Variants in SVOP observed in about 807,000 individuals in gnomAD.
The protein encoded by SVOP is SV2 related protein, also known as synaptic vesicle 2-related protein.
SVOP carries 17 observed loss-of-function variants against 69.1 expected under a neutral mutation model. The ratio of observed to expected loss-of-function variants is 0.25; its 90% CI spans 0.17 to 0.37. The LOEUF is 0.37. SVOP is among the 10% of genes least tolerant of loss of function. The pLI is 1.00. For synonymous variants in SVOP, 238 were observed against 238.6 expected (o/e 1.00, Z 0.02); for missense variants, 435 against 597.5 (o/e 0.73, Z 2.84).
At chr12:109,003,672 A>C (rs1315725459) in intron 1 of SVOP, among the ~76,000 whole-genome samples, 1 of 152,144 alleles carries the variant, frequency 6.6e-6, no homozygotes, top group Non-Finnish European at 1.5e-5. Flanking sequence ...GCAGTCGTGC[A>C]ATAAAGCTCA....
intron 1 of SVOP, among the ~76,000 whole-genome samples, chr12:109,005,102 T>C (rs542579108): frequency 2.0e-5 from 3 of 152,228 alleles, no homozygotes; most frequent in African/African-American, 7.2e-5. Context: ...AGCCCTTGAG[T>C]TCAGGCTATC....
chr12:108,922,406 C>T (rs527531068), intron 12 of SVOP, among the ~76,000 whole-genome samples: 1 of 152,320 alleles, frequency 6.6e-6, no homozygotes, highest in Admixed American at 6.5e-5. Flanking sequence ...CAAGGTACTA[C>T]TCAAGCTGCT....
intron 5 of SVOP, among the ~76,000 whole-genome samples, chr12:108,961,750 C>T (rs1354164722): frequency 2.6e-5 from 4 of 152,116 alleles, no homozygotes; most frequent in Non-Finnish European, 5.9e-5. Flanking sequence ...GATATTGACC[C>T]CTTCCTCTTG....
intron 1 of SVOP, among the ~76,000 whole-genome samples, chr12:109,012,492 G>C (rs11065792): frequency 6.6e-6 from 1 of 152,030 alleles, no homozygotes; most frequent in African/African-American, 2.4e-5. Context: ...ACGTATTTCA[G>C]AACAACATGT....
intron 11 of SVOP, among the ~76,000 whole-genome samples, chr12:108,926,975 T>C (rs967046508): frequency 2.0e-5 from 3 of 152,208 alleles, no homozygotes; most frequent in African/African-American, 4.8e-5. Flanking sequence ...TTGGCTCAAA[T>C]AGTAGTTTGC....
chr12:108,994,836 A>C (rs1481221801), intron 1 of SVOP, among the ~76,000 whole-genome samples: 1 of 152,164 alleles, frequency 6.6e-6, no homozygotes, highest in African/African-American at 2.4e-5. Flanking sequence ...TAGCACATCC[A>C]CTTTTTAAAT....
intron 6 of SVOP, among the ~76,000 whole-genome samples, chr12:108,957,326 G>A (rs2039991181): frequency 2.0e-5 from 3 of 152,124 alleles, no homozygotes; most frequent in Admixed American, 6.6e-5. Flanking sequence ...ACCACACCCA[G>A]CTAATTTTTG....
chr12:108,978,871 T>A (rs1468190946), intron 2 of SVOP, among the ~76,000 whole-genome samples: 1 of 152,216 alleles, frequency 6.6e-6, no homozygotes, highest in Non-Finnish European at 1.5e-5. Flanking sequence ...AAACCCAGAA[T>A]GTCCATCAAC....
At chr12:108,985,054 C>A (rs2040159604) in intron 1 of SVOP, among the ~76,000 whole-genome samples, 1 of 151,706 alleles carries the variant, frequency 6.6e-6, no homozygotes, top group Non-Finnish European at 1.5e-5. Flanking sequence ...TAGTGAGATG[C>A]CATCTCTACA....
intron 11 of SVOP, 113 bp from the exon 12 acceptor site, chr12:108,922,910 G>C (rs2039759032): frequency 2.8e-6 from 2 of 715,236 alleles, no homozygotes; most frequent in Non-Finnish European, 4.8e-6. Context: ...GCCATAGAAA[G>C]AGCCCAGACT....
intron 5 of SVOP, among the ~76,000 whole-genome samples, chr12:108,965,802 T>C (rs895677552): frequency 6.6e-6 from 1 of 151,724 alleles, no homozygotes; most frequent in Admixed American, 6.6e-5. Flanking sequence ...TCAGAGGGAG[T>C]CCGAGCGCCT....
chr12:108,999,583 G>C (rs1485743547), intron 1 of SVOP, among the ~76,000 whole-genome samples: 1 of 137,096 alleles, frequency 7.3e-6, no homozygotes, highest in African/African-American at 2.7e-5. Context: ...CTCAGCAAAT[G>C]TAAAAGAACA....
At chr12:108,939,068 C>T in intron 8 of SVOP, 113 bp from the exon 9 acceptor site, 2 of 1,468,848 alleles carry the variant, frequency 1.4e-6, no homozygotes, top group Non-Finnish European at 1.8e-6. Flanking sequence ...GGCTCTGGAG[C>T]CAGAGAGCTG....
intron 5 of SVOP, among the ~76,000 whole-genome samples, chr12:108,966,891 G>A (rs2040048724): frequency 6.6e-6 from 1 of 152,134 alleles, no homozygotes; most frequent in Non-Finnish European, 1.5e-5. Context: ...AGGTGTGCCT[G>A]TATTTCAATG....
intron 6 of SVOP, among the ~76,000 whole-genome samples, chr12:108,955,507 A>G (rs1266272793): frequency 6.6e-6 from 1 of 152,132 alleles, no homozygotes; most frequent in Admixed American, 6.5e-5. Flanking sequence ...TCAAATGCCT[A>G]CTCTACAGAG....
Position 108,982,789 on chromosome 12 carries a change from TATCATCATCATCACC to T in SVOP, c.196+797_196+811del, listed in dbSNP as rs1480674558. ...TCAACATCACCACCATCATCATCAC[TATCATCATCATCACC>T]ATCATCATCATCACCATCATCATCA... On this transcript the variant is annotated intron_variant, in intron 2 of 15. Transcript: ENST00000610966. Among the ~76,000 whole-genome samples, 7 of 30,548 alleles carry T rather than the reference TATCATCATCATCACC, an allele frequency of 2.3e-4. No individual in the cohort carries two copies. The East Asian group carries it at 3.5e-3, about 15-fold the overall frequency. The allele number at this position is 30,548 out of a possible 152,430, so 20.0% of individuals were successfully genotyped here.
At position 108,940,805 on chromosome 12, in the gene SVOP, G is replaced by A. The variant is rs1446503394; in HGVS notation, c.747C>T (p.Leu249=). ...CTACGAAACACAGCACGGCAAAGAGGAGGAGCGGGACAGCTGAGAGGATGA... is the reference window on the plus strand; with the variant it reads ...CTACGAAACACAGCACGGCAAAGAGAAGGAGCGGGACAGCTGAGAGGATGA... ...WLLILSAVPL[L]LFAVLCFWLP... The change falls in exon 8 of 16, where the codon CTC becomes CTT. Residue 249 remains leucine (L), a synonymous_variant. Transcript: ENST00000610966. 7.8e-6 allele frequency: 12 copies of A among 1,537,132 alleles called. No homozygotes were observed. The highest frequency in any genetic ancestry group is 1.0e-5 in the Non-Finnish European group (12 of 1,146,902).
chr12:108,964,337 G>A (rs2040033426), intron 5 of SVOP, among the ~76,000 whole-genome samples: 1 of 151,922 alleles, frequency 6.6e-6, no homozygotes, highest in East Asian at 1.9e-4. Context: ...TGTAACATCG[G>A]TACTGGCCAT....
rs1417556125 is a variant in SVOP, at chr12:108,978,665, TG to T, written c.197-3del. 7.1e-6 allele frequency: 5 copies of T among 703,744 alleles called. No individual in the cohort carries two copies. In the African/African-American group the frequency reaches 8.7e-5, roughly 12 times the overall value. The allele number at this position is 703,744 out of a possible 1,614,324, so 43.6% of individuals were successfully genotyped here. ...CTGCATCTTCCACCATGAAAGTATC[TG>T]GGAAGGAGAAAGGGAGAGGGAAGGA... is the stretch of plus-strand genomic sequence containing the variant. On this transcript the variant is annotated splice_region_variant and splice_polypyrimidine_tract_variant and intron_variant, in intron 2 of 15. Transcript: ENST00000610966.
Sources: allele counts gnomAD v4.1 joint callset (sites outside exome capture counted in the v4.1 genomes callset), GRCh38; gene constraint gnomAD v4.1.1; transcripts MANE v1.5; gene names NCBI Gene and HGNC (gene_info 2026-07-23, HGNC 2026-07-21).